Variants in DCHS2 observed in about 807,000 individuals in gnomAD.
The protein encoded by DCHS2 is dachsous cadherin-related 2, also known as protocadherin-23.
In DCHS2, 142 loss-of-function variants were observed where a neutral mutation model predicts 182.4. That is an observed-to-expected ratio of 0.78 (90% CI 0.68 to 0.89). The LOEUF is 0.89. Ranked by LOEUF, DCHS2 falls within the 40% of genes least tolerant of loss-of-function variation. The probability of loss-of-function intolerance (pLI) is 0.00; values close to 1 mark genes in which losing one functional copy is unlikely to be tolerated. For missense variants in DCHS2, 4,319 were observed against 4,198.6 expected (o/e 1.03, Z -0.79); for synonymous variants, 1,740 against 1,663.3 (o/e 1.05, Z -1.12).
In DCHS2 at chr4:154,259,775, A is replaced by AG. The variant is rs1732887055; in HGVS notation, c.6578-20dup. ...AGTTGTCCTATTTTTATTTCCAAGGAGAAAAAAAAGAAAATGATGTTGTAG... is the reference window on the plus strand; with the variant it reads ...AGTTGTCCTATTTTTATTTCCAAGGAGGAAAAAAAAGAAAATGATGTTGTAG... On this transcript the variant is annotated intron_variant, in intron 14 of 19. Coordinates refer to ENST00000357232, the MANE Select transcript of DCHS2 (RefSeq NM_001358235.2). 5 of 1,577,872 alleles carry AG rather than the reference A, an allele frequency of 3.2e-6. No homozygotes were observed. The highest frequency in any genetic ancestry group is 4.5e-5 in the East Asian group (2 of 44,580).
chr4:154,278,092 C>G (rs1036213060), intron 13 of DCHS2, among the ~76,000 whole-genome samples: 32 of 150,592 alleles, frequency 2.1e-4, no homozygotes, highest in Middle Eastern at 3.5e-3. Flanking sequence ...CAATGCACTA[C>G]AAGAGAACAC....
intron 1 of DCHS2, among the ~76,000 whole-genome samples, chr4:154,448,187 A>G (rs918406984): frequency 2.0e-5 from 3 of 151,940 alleles, no homozygotes; most frequent in South Asian, 2.1e-4. Context: ...ACTCTGCCCT[A>G]TGAGCTTGCC....
chr4:154,374,753 G>T (rs1193641645), intron 2 of DCHS2, among the ~76,000 whole-genome samples: 1 of 152,116 alleles, frequency 6.6e-6, no homozygotes, highest in Non-Finnish European at 1.5e-5. Context: ...AGACCAGAGA[G>T]GTGTTAGTAG....
intron 1 of DCHS2, among the ~76,000 whole-genome samples, chr4:154,395,020 C>G (rs183538186): frequency 4.3e-4 from 65 of 152,160 alleles, no homozygotes; most frequent in African/African-American, 1.3e-3. Flanking sequence ...GTAGCAAGGA[C>G]AAAAGGCGTG....
At chr4:154,285,831 CTGG>C (rs1734369296) in intron 13 of DCHS2, among the ~76,000 whole-genome samples, 1 of 152,054 alleles carries the variant, frequency 6.6e-6, no homozygotes, top group Admixed American at 6.5e-5. Context: ...ACAAGCTCGG[CTGG>C]CTTCAACATC....
chr4:154,333,381 G>A lies in DCHS2; in HGVS notation c.2827C>T (p.Gln943Ter). The A allele has an allele frequency of 1.2e-6, 2 of 1,614,174 alleles. No individual in the cohort carries two copies. The highest frequency in any genetic ancestry group is 1.7e-6 in the Non-Finnish European group (2 of 1,180,034). ...RTRKPLDHET[Q>*]PVVVLTVQAQ... Reference sequence around the variant, plus strand: ...TGCACCGTGAGCACAACCACGGGCTGCGTCTCGTGATCCAGGGGCTTCCGG... The same window carrying A: ...TGCACCGTGAGCACAACCACGGGCTACGTCTCGTGATCCAGGGGCTTCCGG... Residue 943 changes from glutamine (Q) to a stop codon, truncating the protein, a stop_gained, in exon 5 of 20, where the codon CAG (glutamine) becomes TAG (stop). Coordinates refer to ENST00000357232, the MANE Select transcript of DCHS2 (RefSeq NM_001358235.2). LOFTEE classifies it high-confidence loss of function.
chr4:154,305,067 A>G, intron 11 of DCHS2, 30 bp downstream of exon 11: 2 of 1,552,862 alleles, frequency 1.3e-6, no homozygotes, highest in South Asian at 2.5e-5. Flanking sequence ...TTTAATTTTT[A>G]TTTTTTAGCC....
At chr4:154,259,382 G>C (rs958124599) in intron 15 of DCHS2, among the ~76,000 whole-genome samples, 163 bp downstream of exon 15, 4 of 152,022 alleles carry the variant, frequency 2.6e-5, no homozygotes, top group African/African-American at 9.7e-5. Context: ...TTAACCTAAG[G>C]TTTCATCCCA....
Position 154,352,055 on chromosome 4 carries a change from GCA to G in DCHS2, c.2476+14153_2476+14154del, listed in dbSNP as rs374256511. 1.5e-3 allele frequency among the ~76,000 whole-genome samples: 231 copies of G among 150,214 alleles called. 6 individuals are homozygous for G. The East Asian group carries it at 0.039, about 25-fold the overall frequency. On this transcript the variant is annotated intron_variant, in intron 3 of 19. Coordinates refer to ENST00000357232, the MANE Select transcript of DCHS2 (RefSeq NM_001358235.2). ...TAACTCCACACACACACAGACACAT[GCA>G]CACACACACACACATACATACACAC...
intron 1 of DCHS2, among the ~76,000 whole-genome samples, chr4:154,454,888 T>G (rs1215270725): frequency 6.6e-6 from 1 of 152,248 alleles, no homozygotes; most frequent in African/African-American, 2.4e-5. Flanking sequence ...CAAAGCTCAC[T>G]GATTTGAAAA....
intron 3 of DCHS2, among the ~76,000 whole-genome samples, chr4:154,352,923 A>T (rs1729687807): frequency 6.6e-6 from 1 of 152,204 alleles, no homozygotes; most frequent in Admixed American, 6.5e-5. Flanking sequence ...AGAATCTCAG[A>T]AGAGTTTCTC....
chr4:154,481,531 A>G (rs1008764408), intron 1 of DCHS2, among the ~76,000 whole-genome samples: 19 of 152,206 alleles, frequency 1.2e-4, no homozygotes, highest in Non-Finnish European at 2.9e-5. Context: ...TGCTGGGATT[A>G]CAGACAAGAG....
At chr4:154,302,931 ACG>A (rs1347697613) in intron 12 of DCHS2, among the ~76,000 whole-genome samples, 4 of 111,358 alleles carry the variant, frequency 3.6e-5, no homozygotes, top group Admixed American at 1.1e-4. Context: ...AAATAGATAT[ACG>A]TATACACACA....
At chr4:154,427,105 A>G (rs1422218024) in intron 1 of DCHS2, among the ~76,000 whole-genome samples, 1 of 152,244 alleles carries the variant, frequency 6.6e-6, no homozygotes, top group African/African-American at 2.4e-5. Context: ...CACACTGTAT[A>G]CATGTATGGA....
In DCHS2 at chr4:154,239,440, T is replaced by C. The variant is rs1206683823; in HGVS notation, c.7360-138A>G. 6.8e-6 allele frequency: 9 copies of C among 1,325,536 alleles called. No homozygotes were observed. In the East Asian group the frequency reaches 1.3e-4, roughly 18 times the overall value. The allele number at this position is 1,325,536 out of a possible 1,614,324, so 82.1% of individuals were successfully genotyped here. A position where few individuals can be genotyped will look rare whatever the true frequency, so the allele number is the denominator to read the frequency against. On this transcript the variant is annotated intron_variant, in intron 18 of 19. Coordinates refer to ENST00000357232, the MANE Select transcript of DCHS2 (RefSeq NM_001358235.2). ...ATACAACCTGACTTTGTTAGACATA[T>C]TAATTTATGGAATTGGCATATTAAA...
chr4:154,438,379 CT>C (rs1733867203), intron 1 of DCHS2, among the ~76,000 whole-genome samples: 1 of 152,168 alleles, frequency 6.6e-6, no homozygotes, highest in Non-Finnish European at 1.5e-5. Flanking sequence ...TTAAGTGGAT[CT>C]TCTTGTCTAA....
chr4:154,456,561 G>A (rs1734777284), intron 1 of DCHS2, among the ~76,000 whole-genome samples: 2 of 152,176 alleles, frequency 1.3e-5, no homozygotes, highest in African/African-American at 4.8e-5. Flanking sequence ...GATGTGAGCT[G>A]GATTTTGAAG....
intron 1 of DCHS2, among the ~76,000 whole-genome samples, chr4:154,442,255 C>T (rs999513204): frequency 3.3e-5 from 5 of 152,072 alleles, no homozygotes; most frequent in Admixed American, 6.6e-5. Flanking sequence ...TCATCTGTCT[C>T]CCCTACGTGA....
intron 1 of DCHS2, chr4:154,391,210 C>G: frequency 6.2e-7 from 1 of 1,613,784 alleles, no homozygotes. Flanking sequence ...ACCTCATATA[C>G]ACAGGCATCA....
Sources: gnomAD v4.1 joint callset for allele counts (sites outside exome capture counted in the v4.1 genomes callset) on GRCh38, gnomAD v4.1.1 for gene constraint, MANE v1.5 for transcripts, NCBI Gene and HGNC (gene_info 2026-07-23, HGNC 2026-07-21) for gene names.